The following TEAD1 variants were observed in gnomAD, a reference collection of about 807,000 sequenced individuals.
The protein encoded by TEAD1 is TEA domain transcription factor 1.
A neutral mutation model predicts 54.9 loss-of-function variants in TEAD1; 9 were observed. That is an observed-to-expected ratio of 0.16 (90% CI 0.10 to 0.29). TEAD1 has a LOEUF of 0.29. Ranked by LOEUF, TEAD1 falls within the 10% of genes least tolerant of loss-of-function variation. TEAD1 has a pLI of 1.00. For missense variants in TEAD1, 387 were observed against 535.9 expected, an observed-to-expected ratio of 0.72 and a Z score of 2.74; for synonymous variants, 200 against 187.8, an observed-to-expected ratio of 1.07 and a Z score of -0.53.
At position 12,725,494 on chromosome 11, in the gene TEAD1, A is replaced by T. The variant is rs527601282; in HGVS notation, c.-54-38685A>T. On this transcript the variant is annotated intron_variant, in intron 2 of 12. Coordinates refer to ENST00000527636, the MANE Select transcript of TEAD1 (RefSeq NM_021961.6). ...CTTGAATTGTTCCCAACACATAATA[A>T]TGATAAATGCTCAGTGTGATGGATA... Among the ~76,000 whole-genome samples, 181 of 152,356 alleles carry T rather than the reference A, an allele frequency of 1.2e-3. 1 individual carries two copies. Among genetic ancestry groups the T allele is most frequent in the African/African-American group, 4.2e-3 (173 of 41,576 alleles).
intron 3 of TEAD1, among the ~76,000 whole-genome samples, chr11:12,800,422 A>G (rs540204616): frequency 6.6e-6 from 1 of 152,370 alleles, no homozygotes; most frequent in South Asian, 2.1e-4. Flanking sequence ...AGAAATACAA[A>G]TTAGATAAGG....
chr11:12,903,592 A>G (rs1450664033), intron 10 of TEAD1, among the ~76,000 whole-genome samples: 12 of 152,300 alleles, frequency 7.9e-5, no homozygotes, highest in South Asian at 6.2e-4. Flanking sequence ...AGGCAGGGGT[A>G]TTACATGAGC....
rs539249152 is a variant in TEAD1 at position 12,898,700 on chromosome 11, A to G, written c.700-3240A>G. Among the ~76,000 whole-genome samples, 8 of 152,268 alleles carry G rather than the reference A, an allele frequency of 5.3e-5. No homozygotes were observed. In the East Asian group the frequency reaches 1.5e-3, roughly 29 times the overall value. ...TGAGCCACCAATCCTGGCCCCTATC[A>G]AACATTTCTTATATGGCAGGTCCTA... On this transcript the variant is annotated intron_variant, in intron 9 of 12. Transcript: ENST00000527636.
intron 2 of TEAD1, among the ~76,000 whole-genome samples, chr11:12,716,207 T>A (rs1944059004): frequency 6.6e-6 from 1 of 152,064 alleles, no homozygotes; most frequent in African/African-American, 2.4e-5. Flanking sequence ...TCCACTGCCC[T>A]CCTTTTCTGT....
At chr11:12,804,746 CTGTA>C (rs1177450350) in intron 3 of TEAD1, among the ~76,000 whole-genome samples, 1 of 152,204 alleles carries the variant, frequency 6.6e-6, no homozygotes, top group African/African-American at 2.4e-5. Context: ...CTCCACTATA[CTGTA>C]TGCCAGGTAC....
chr11:12,729,849 C>CTCATA (rs1944384824), intron 2 of TEAD1, among the ~76,000 whole-genome samples: 1 of 152,212 alleles, frequency 6.6e-6, no homozygotes, highest in Non-Finnish European at 1.5e-5. Flanking sequence ...TGTTGCTCTC[C>CTCATA]TCATATCTTA....
intron 3 of TEAD1, among the ~76,000 whole-genome samples, chr11:12,819,382 A>G (rs1298342920): frequency 3.3e-5 from 5 of 151,730 alleles, no homozygotes; most frequent in Non-Finnish European, 7.4e-5. Flanking sequence ...TAACCCCTTC[A>G]TTTAAACAGT....
At chr11:12,803,377 T>C (rs879605425) in intron 3 of TEAD1, among the ~76,000 whole-genome samples, 2 of 152,250 alleles carry the variant, frequency 1.3e-5, no homozygotes, top group Non-Finnish European at 2.9e-5. Context: ...GCTTTGTTTT[T>C]AGGCATAATG....
At chr11:12,678,778 T>C (rs927471462) in intron 2 of TEAD1, among the ~76,000 whole-genome samples, 2 of 152,250 alleles carry the variant, frequency 1.3e-5, no homozygotes, top group Non-Finnish European at 2.9e-5. Context: ...CTCTTGAGTG[T>C]CCTCAATCTG....
At chr11:12,741,633 G>A (rs1944650893) in intron 2 of TEAD1, among the ~76,000 whole-genome samples, 1 of 152,138 alleles carries the variant, frequency 6.6e-6, no homozygotes, top group Admixed American at 6.5e-5. Context: ...CTTTCTGGTT[G>A]TGTTCTTGAT....
chr11:12,735,566 T>C (rs1392384386), intron 2 of TEAD1, among the ~76,000 whole-genome samples: 1 of 151,466 alleles, frequency 6.6e-6, no homozygotes, highest in Non-Finnish European at 1.5e-5. Context: ...GGTTCGATTT[T>C]TTTTTTTTTT....
chr11:12,914,298 G>T (rs1948671184), intron 10 of TEAD1, among the ~76,000 whole-genome samples: 1 of 152,170 alleles, frequency 6.6e-6, no homozygotes, highest in African/African-American at 2.4e-5. Flanking sequence ...GGCCCTTGGT[G>T]GTGTTTTTAA....
intron 11 of TEAD1, among the ~76,000 whole-genome samples, chr11:12,927,967 AT>A (rs1948933374): frequency 6.6e-6 from 1 of 152,084 alleles, no homozygotes; most frequent in Non-Finnish European, 1.5e-5. Context: ...TTAGGATTAT[AT>A]TTACTGTAGG....
chr11:12,782,807 C>A lies in TEAD1; in HGVS notation c.202+18373C>A, dbSNP rs187822525. ...AATGCTGAGAGAGTAGATGAACATA[C>A]AAGTTAACTCAGATACCAGGTGAGG... On this transcript the variant is annotated intron_variant, in intron 3 of 12. Transcript: ENST00000527636. Among the ~76,000 whole-genome samples the A allele has an allele frequency of 2.6e-5, 4 of 152,242 alleles. No individual in the cohort carries two copies. The East Asian group carries it at 7.7e-4, about 29-fold the overall frequency.
At chr11:12,854,229 T>C (rs1046657367) in intron 3 of TEAD1, among the ~76,000 whole-genome samples, 3 of 152,184 alleles carry the variant, frequency 2.0e-5, no homozygotes, top group Non-Finnish European at 4.4e-5. Context: ...TCCTTACACC[T>C]AATCTTAGCC....
rs5789754 is a variant in TEAD1 at position 12,943,945 on chromosome 11, C to CA, written c.*6733dup. On this transcript the variant is annotated 3_prime_UTR_variant, in exon 13 of 13. Transcript: ENST00000527636. ...AAAAACAGTATGTGCCTGAAAATGA[C>CA]AAAAAAAAAATTTGTAACATTTAAA... The CA allele has an allele frequency of 0.38, 57,549 of 150,208 alleles. 11,093 individuals carry two copies. The highest frequency in any genetic ancestry group is 0.43 in the African/African-American group (17,793 of 40,920). 9.3% of individuals were successfully genotyped at this position (150,208 alleles called of 1,614,324 possible).
intron 10 of TEAD1, 27 bp from the exon 11 acceptor site, chr11:12,924,885 C>A: frequency 6.2e-7 from 1 of 1,614,054 alleles, no homozygotes; most frequent in South Asian, 1.1e-5. Context: ...GAGAGAATAA[C>A]CCACACCTCC....
At chr11:12,747,846 G>A (rs545635372) in intron 2 of TEAD1, among the ~76,000 whole-genome samples, 158 of 152,298 alleles carry the variant, frequency 1.0e-3, no homozygotes, top group Non-Finnish European at 2.1e-3. Flanking sequence ...TGTAGGCACA[G>A]GTAGTAAGTG....
At chr11:12,798,214 C>T (rs151283798) in intron 3 of TEAD1, among the ~76,000 whole-genome samples, 49 of 152,252 alleles carry the variant, frequency 3.2e-4, no homozygotes, top group African/African-American at 9.4e-4. Flanking sequence ...TGACGTGTAC[C>T]CATCCTCTAG....
Sources: allele counts gnomAD v4.1 joint callset (sites outside exome capture counted in the v4.1 genomes callset), GRCh38; gene constraint gnomAD v4.1.1; transcripts MANE v1.5; gene names NCBI Gene and HGNC (gene_info 2026-07-23, HGNC 2026-07-21).